The following ANGEL1 variants were observed in gnomAD, a reference collection of about 807,000 sequenced individuals.
ANGEL1 encodes angel homolog 1.
ANGEL1 carries 62 observed loss-of-function variants against 76.4 expected under a neutral mutation model. That is an observed-to-expected ratio of 0.81 (90% confidence interval 0.66 to 1.00). The LOEUF is 1.00. Among genes scored for constraint, ANGEL1 ranks in the 50% least tolerant of loss-of-function variants. The pLI, the probability that ANGEL1 is intolerant of heterozygous loss-of-function variation, is 0.00. For missense variants in ANGEL1, 737 were observed against 836.7 expected (o/e 0.88, Z 1.47); for synonymous variants, 340 against 331.7 (o/e 1.03, Z -0.27).
At chr14:76,800,682 C>T (rs974328945) in intron 7 of ANGEL1, among the ~76,000 whole-genome samples, 8 of 152,054 alleles carry the variant, frequency 5.3e-5, no homozygotes, top group Non-Finnish European at 8.8e-5. Flanking sequence ...TTAAGAAGTC[C>T]GAAGTCTTCT....
At chr14:76,801,691 T>C (rs1468620171) in intron 7 of ANGEL1, among the ~76,000 whole-genome samples, 1 of 152,198 alleles carries the variant, frequency 6.6e-6, no homozygotes, top group Non-Finnish European at 1.5e-5. Flanking sequence ...CAGTTATCTA[T>C]TCCTACTTGT....
chr14:76,809,483 A>G lies in ANGEL1; in HGVS notation c.225T>C (p.Thr75=). The G allele has an allele frequency of 6.2e-7, 1 of 1,614,222 alleles. No individual in the cohort carries two copies. The change falls in exon 2 of 10, where the codon ACT becomes ACC. Residue 75 remains threonine (T), a synonymous_variant. Coordinates refer to ENST00000251089, the MANE Select transcript of ANGEL1 (RefSeq NM_015305.4). ...REEGLSQVLS[T]ASEGPLIDKG... Reference sequence around the variant, plus strand: ...TATCTATAAGGGGCCCCTCACTTGCAGTTGAGAGCACCTGGCTCAACCCTT... The same window carrying G: ...TATCTATAAGGGGCCCCTCACTTGCGGTTGAGAGCACCTGGCTCAACCCTT...
chr14:76,801,260 A>G (rs1389485882), intron 7 of ANGEL1, among the ~76,000 whole-genome samples: 2 of 152,080 alleles, frequency 1.3e-5, no homozygotes, highest in African/African-American at 2.4e-5. Context: ...ACAGGCATGC[A>G]TCACCATGCC....
rs7150644 is a variant in ANGEL1 at position 76,788,946 on chromosome 14, G to T, written c.*282C>A. 5.0e-3 allele frequency: 1,898 copies of T among 378,836 alleles called. 49 individuals are homozygous for T. The highest frequency in any genetic ancestry group is 0.035 in the African/African-American group (1,698 of 48,440). 23.5% of individuals were successfully genotyped at this position (378,836 alleles called of 1,614,324 possible). ...TGGTAATTAAAAATCAAGGGGGAGC[G>T]CTGGATACATGGAAGGAAGGGGGAG... On this transcript the variant is annotated 3_prime_UTR_variant, in exon 10 of 10. Coordinates refer to ENST00000251089, the MANE Select transcript of ANGEL1 (RefSeq NM_015305.4).
rs1894298783 is a variant in ANGEL1, at chr14:76,788,066, C to T, written c.*1162G>A. The T allele has an allele frequency of 6.6e-6, 1 of 152,226 alleles. No homozygotes were observed. Among genetic ancestry groups the T allele is most frequent in the Admixed American group, 6.5e-5 (1 of 15,284 alleles). 9.4% of individuals were successfully genotyped at this position (152,226 alleles called of 1,614,324 possible). On this transcript the variant is annotated 3_prime_UTR_variant, in exon 10 of 10. Coordinates refer to ENST00000251089, the MANE Select transcript of ANGEL1 (RefSeq NM_015305.4). ...TTCTGCTGAGGCAGTTTGGCCTGAG[C>T]TAAATACCAGGGTTTTCTAGAAAGG...
chr14:76,807,432 C>G lies in ANGEL1; in HGVS notation c.946+1G>C. ...GCAAGCATCCCAGGGAGCTGCATTACCCATCATTCGCAGAGAGGGTTCCAG... is the reference window on the plus strand; with the variant it reads ...GCAAGCATCCCAGGGAGCTGCATTAGCCATCATTCGCAGAGAGGGTTCCAG... On this transcript the variant is annotated splice_donor_variant, in intron 4 of 9. Transcript: ENST00000251089. LOFTEE classifies it high-confidence loss of function. The G allele has an allele frequency of 6.2e-7, 1 of 1,611,414 alleles. No individual in the cohort carries two copies. Among genetic ancestry groups the G allele is most frequent in the East Asian group, 2.2e-5 (1 of 44,856 alleles).
In ANGEL1 at chr14:76,788,291, G is replaced by A. The variant is rs924949211; in HGVS notation, c.*937C>T. On this transcript the variant is annotated 3_prime_UTR_variant, in exon 10 of 10. Transcript: ENST00000251089. ...TTGCCCCAGTTCTGCAGGCTGCAGA[G>A]TCCAGTGAAACAAGAGTTTCCTGAA... 2.6e-5 allele frequency: 4 copies of A among 152,304 alleles called. No individual in the cohort carries two copies. The highest frequency in any genetic ancestry group is 9.7e-5 in the African/African-American group (4 of 41,448). 9.4% of individuals were successfully genotyped at this position (152,304 alleles called of 1,614,324 possible). A position where few individuals can be genotyped will look rare whatever the true frequency, so the allele number is the denominator to read the frequency against.
Position 76,790,654 on chromosome 14 carries a change from G to A in ANGEL1, c.1809C>T (p.Tyr603=). 6.2e-7 allele frequency: 1 copy of A among 1,614,130 alleles called. No homozygotes were observed. Among genetic ancestry groups the A allele is most frequent in the Non-Finnish European group, 8.5e-7 (1 of 1,180,014 alleles). The change falls in exon 9 of 10, where the codon TAC becomes TAT. Residue 603 remains tyrosine (Y), a synonymous_variant. Transcript: ENST00000251089. ...MPLGLGMTVD[Y]IFFSAESCEN... is the part of the protein sequence containing the mutation. ...CACAGGACTCAGCTGAGAAGAAGAT[G>A]TAATCTACTGTCATTCCAAGACCCA...
In ANGEL1 at chr14:76,790,643, GAGA is replaced by G. The variant is rs1188842533; in HGVS notation, c.1817_1819del (p.Phe606del). The G allele has an allele frequency of 3.1e-6, 5 of 1,614,064 alleles. No homozygotes were observed. Among genetic ancestry groups the G allele is most frequent in the Non-Finnish European group, 4.2e-6 (5 of 1,179,974 alleles). ...GTTCCCATTCTCACAGGACTCAGCTGAGAAGAAGATGTAATCTACTGTCATTCC... is the reference window on the plus strand; with the variant it reads ...GTTCCCATTCTCACAGGACTCAGCTGAGAAGATGTAATCTACTGTCATTCC... On this transcript the variant is annotated inframe_deletion, in exon 9 of 10. Coordinates refer to ENST00000251089, the MANE Select transcript of ANGEL1 (RefSeq NM_015305.4).
At chr14:76,809,727 A>T in intron 1 of ANGEL1, 84 bp from the exon 2 acceptor site, 1 of 1,178,052 alleles carries the variant, frequency 8.5e-7, no homozygotes, top group Non-Finnish European at 1.2e-6. Flanking sequence ...GCCCAATAAA[A>T]GCAAGACCCA....
chr14:76,789,397 C>T lies in ANGEL1; in HGVS notation c.1853-9G>A, dbSNP rs1894331361. ...TCGATACAGCCTGTGATCTGGGGCA[C>T]AAAGCAGAAGCCAATGGGTAAAAGC... On this transcript the variant is annotated splice_polypyrimidine_tract_variant and intron_variant, in intron 9 of 9. Coordinates refer to ENST00000251089, the MANE Select transcript of ANGEL1 (RefSeq NM_015305.4). 19 of 1,613,774 alleles carry T rather than the reference C, an allele frequency of 1.2e-5. No homozygotes were observed. The highest frequency in any genetic ancestry group is 1.6e-5 in the Non-Finnish European group (19 of 1,179,886).
At chr14:76,807,854 CT>C in intron 3 of ANGEL1, 67 bp downstream of exon 3, 2 of 1,542,706 alleles carry the variant, frequency 1.3e-6, no homozygotes, top group Non-Finnish European at 1.8e-6. Context: ...AACTCATCTT[CT>C]AAGAGCACTG....
Position 76,787,228 on chromosome 14 carries a change from A to G in ANGEL1, c.*2000T>C, listed in dbSNP as rs1320400457. ...AGGACCTAATCCCTTCAGGATCCTAATAAAATGAACAACATTGGGGGGAAA... is the reference window on the plus strand; with the variant it reads ...AGGACCTAATCCCTTCAGGATCCTAGTAAAATGAACAACATTGGGGGGAAA... On this transcript the variant is annotated 3_prime_UTR_variant, in exon 10 of 10. Transcript: ENST00000251089. 1 of 152,242 alleles carries G rather than the reference A, an allele frequency of 6.6e-6. No individual in the cohort carries two copies. Among genetic ancestry groups the G allele is most frequent in the Non-Finnish European group, 1.5e-5 (1 of 68,036 alleles). 9.4% of individuals were successfully genotyped at this position (152,242 alleles called of 1,614,324 possible).
intron 1 of ANGEL1, among the ~76,000 whole-genome samples, chr14:76,810,950 T>G (rs980249891): frequency 1.3e-5 from 2 of 152,266 alleles, no homozygotes; most frequent in Admixed American, 1.3e-4. Flanking sequence ...ATTGGCAATT[T>G]TTTTTTAAAG....
intron 5 of ANGEL1, 195 bp from the exon 6 acceptor site, chr14:76,804,107 C>G: frequency 6.9e-7 from 1 of 1,453,622 alleles, no homozygotes; most frequent in Non-Finnish European, 9.0e-7. Flanking sequence ...TCACTGGCAA[C>G]ACTGAAATGT....
chr14:76,807,909 C>A lies in ANGEL1; in HGVS notation c.876+13G>T. 18 of 1,613,134 alleles carry A rather than the reference C, an allele frequency of 1.1e-5. No individual in the cohort carries two copies. The highest frequency in any genetic ancestry group is 1.5e-5 in the Non-Finnish European group (18 of 1,179,756). ...GCAACAATGCAAGATGGCAATTCCC[C>A]CTCTTCACTCACATCAGGGTCCCAG... On this transcript the variant is annotated intron_variant, in intron 3 of 9. Coordinates refer to ENST00000251089, the MANE Select transcript of ANGEL1 (RefSeq NM_015305.4).
chr14:76,787,306 T>C lies in ANGEL1; in HGVS notation c.*1922A>G, dbSNP rs1479037553. 2 of 152,224 alleles carry C rather than the reference T, an allele frequency of 1.3e-5. No homozygotes were observed. The highest frequency in any genetic ancestry group is 1.5e-5 in the Non-Finnish European group (1 of 68,034). The allele number at this position is 152,224 out of a possible 1,614,324, so 9.4% of individuals were successfully genotyped here. Reference sequence around the variant, plus strand: ...GTTTAAATAACAATTTAAAACCCCATTTCACTTTCAAAACAGAAACAAGAA... The same window carrying C: ...GTTTAAATAACAATTTAAAACCCCACTTCACTTTCAAAACAGAAACAAGAA... On this transcript the variant is annotated 3_prime_UTR_variant, in exon 10 of 10. Transcript: ENST00000251089.
chr14:76,807,972 T>C lies in ANGEL1; in HGVS notation c.826A>G (p.Asn276Asp), dbSNP rs779927099. Reference sequence around the variant, plus strand: ...TGCATGAGGTTCACGAAGCGATAGTTCCAATTGAGGATGTCTGGATGGCAA... The same window carrying C: ...TGCATGAGGTTCACGAAGCGATAGTCCCAATTGAGGATGTCTGGATGGCAA... ...LHCHPDILNW[N>D]YRFVNLMQEF... The change falls in exon 3 of 10, where the codon AAC (asparagine) becomes GAC (aspartate). Residue 276 changes from asparagine to aspartate, a missense_variant. Asn to Asp is a conservative substitution (Grantham distance 23). Coordinates refer to ENST00000251089, the MANE Select transcript of ANGEL1 (RefSeq NM_015305.4). 11 of 1,614,100 alleles carry C rather than the reference T, an allele frequency of 6.8e-6. No individual in the cohort carries two copies. The highest frequency in any genetic ancestry group is 1.7e-4 in the Middle Eastern group (1 of 6,034).
rs1483166657 is a variant in ANGEL1, at chr14:76,807,420, G to A, written c.946+13C>T. 1.2e-6 allele frequency: 2 copies of A among 1,608,252 alleles called. No individual in the cohort carries two copies. Among genetic ancestry groups the A allele is most frequent in the African/African-American group, 2.7e-5 (2 of 74,784 alleles). On this transcript the variant is annotated intron_variant, in intron 4 of 9. Coordinates refer to ENST00000251089, the MANE Select transcript of ANGEL1 (RefSeq NM_015305.4). ...AAAGAAAAGCTGGCAAGCATCCCAG[G>A]GAGCTGCATTACCCATCATTCGCAG...
Sources: allele counts gnomAD v4.1 joint callset (sites outside exome capture counted in the v4.1 genomes callset), GRCh38; gene constraint gnomAD v4.1.1; transcripts MANE v1.5; gene names NCBI Gene and HGNC (gene_info 2026-07-23, HGNC 2026-07-21).